The following ZNF124 variants were observed in gnomAD, a reference collection of about 807,000 sequenced individuals.
ZNF124 encodes the protein zinc finger protein HZF-16.
In ZNF124, 25 loss-of-function variants were observed where a neutral mutation model predicts 26.6. The ratio of observed to expected loss-of-function variants is 0.94; its 90% CI spans 0.68 to 1.31. The LOEUF is 1.31. Among genes scored for constraint, ZNF124 ranks in the 40% most tolerant of loss-of-function variants. The pLI, the probability that ZNF124 is intolerant of heterozygous loss-of-function variation, is 0.00. For missense variants in ZNF124, 444 were observed against 422.2 expected (o/e 1.05, Z -0.45); for synonymous variants, 129 against 133.3 (o/e 0.97, Z 0.22).
rs1310870976 is a variant in ZNF124, at chr1:247,156,508, T to C, written c.*58A>G. On this transcript the variant is annotated 3_prime_UTR_variant, in exon 4 of 4. Transcript: ENST00000543802. ...ACTTTCCTACACCTTACATTCACAGTTTCTCTCAAGTATGTGACTGTTCAT... is the reference window on the plus strand; with the variant it reads ...ACTTTCCTACACCTTACATTCACAGCTTCTCTCAAGTATGTGACTGTTCAT... The C allele has an allele frequency of 1.4e-6, 2 of 1,464,968 alleles. No homozygotes were observed. The highest frequency in any genetic ancestry group is 2.8e-5 in the African/African-American group (2 of 70,550). The allele number at this position is 1,464,968 out of a possible 1,614,324, so 90.7% of individuals were successfully genotyped here.
intron 1 of ZNF124, among the ~76,000 whole-genome samples, chr1:247,164,633 T>C (rs1344883375): frequency 1.3e-5 from 2 of 151,692 alleles, no homozygotes; most frequent in African/African-American, 2.4e-5. Context: ...TACAAATGAA[T>C]GGAAAAACAT....
chr1:247,123,662 T>C (rs1672135865), exon 4 of ZNF124: 1 of 578,154 alleles, frequency 1.7e-6, no homozygotes, highest in Non-Finnish European at 3.1e-6. Flanking sequence ...GAGTACTAGA[T>C]GGATCCCAAT....
chr1:247,122,745 G>A (rs528755447), exon 4 of ZNF124: 1 of 152,334 alleles, frequency 6.6e-6, no homozygotes, highest in African/African-American at 2.4e-5. Flanking sequence ...AAGTGCACAA[G>A]GCGATGACCT....
chr1:247,123,768 T>A (rs1020241095), exon 4 of ZNF124: 1 of 687,804 alleles, frequency 1.5e-6, no homozygotes, highest in Non-Finnish European at 2.7e-6. Flanking sequence ...CAGAGGTGCA[T>A]GGGCTTTGGA....
At chr1:247,137,487 CAAA>C (rs56926662) in intron 3 of ZNF124, among the ~76,000 whole-genome samples, 2,711 of 81,494 alleles carry the variant, frequency 0.033, 29 homozygotes, top group Admixed American at 0.092. Flanking sequence ...ACTAAAAATA[CAAA>C]AAAAAAAAAA....
intron 3 of ZNF124, among the ~76,000 whole-genome samples, chr1:247,139,597 T>C (rs1454597795): frequency 6.6e-6 from 1 of 152,248 alleles, no homozygotes; most frequent in Non-Finnish European, 1.5e-5. Flanking sequence ...GTCACTGATC[T>C]GTGTATTTAA....
chr1:247,165,789 G>A (rs995193138), intron 1 of ZNF124, among the ~76,000 whole-genome samples: 11 of 152,114 alleles, frequency 7.2e-5, no homozygotes, highest in African/African-American at 2.4e-4. Context: ...ATACAAACAT[G>A]AGAAAAATGA....
chr1:247,132,840 C>T (rs779824830), intron 3 of ZNF124, among the ~76,000 whole-genome samples: 3 of 151,672 alleles, frequency 2.0e-5, no homozygotes, highest in East Asian at 3.9e-4. Flanking sequence ...CAATCAATCA[C>T]GACCTTCTCA....
At chr1:247,138,914 A>G (rs1291426462) in intron 3 of ZNF124, among the ~76,000 whole-genome samples, 1 of 152,244 alleles carries the variant, frequency 6.6e-6, no homozygotes. Context: ...ACTGAGATCA[A>G]TGCATATCTG....
chr1:247,126,082 T>G (rs960624962), intron 3 of ZNF124, among the ~76,000 whole-genome samples: 14 of 152,172 alleles, frequency 9.2e-5, no homozygotes, highest in Non-Finnish European at 1.6e-4. Flanking sequence ...ACCAACATGG[T>G]GAAACCCGTC....
At chr1:247,162,568 A>G (rs1673540130) in intron 1 of ZNF124, among the ~76,000 whole-genome samples, 2 of 151,636 alleles carry the variant, frequency 1.3e-5, no homozygotes, top group African/African-American at 4.8e-5. Flanking sequence ...CACATTAAGC[A>G]ATGTATGACT....
intron 3 of ZNF124, among the ~76,000 whole-genome samples, chr1:247,126,069 C>G (rs1672214231): frequency 6.6e-6 from 1 of 152,146 alleles, no homozygotes; most frequent in South Asian, 2.1e-4. Context: ...CGAGACCAGC[C>G]TGACCAACAT....
intron 3 of ZNF124, among the ~76,000 whole-genome samples, chr1:247,146,570 G>C (rs1304115912): frequency 6.6e-6 from 1 of 152,172 alleles, no homozygotes; most frequent in East Asian, 1.9e-4. Context: ...TTTAGGTGCA[G>C]GCTCTTTTTG....
At chr1:247,127,690 AT>A (rs1303821995) in intron 3 of ZNF124, among the ~76,000 whole-genome samples, 1 of 148,666 alleles carries the variant, frequency 6.7e-6, no homozygotes, top group African/African-American at 2.5e-5. Flanking sequence ...TTGCCGGTGC[AT>A]GCAGCCCCCA....
chr1:247,123,934 T>G (rs908825339), intron 3 of ZNF124: 60 of 701,544 alleles, frequency 8.6e-5, no homozygotes, highest in Admixed American at 2.0e-4. Flanking sequence ...CTTCCTGTAT[T>G]TATGCCCTTT....
chr1:247,146,831 G>T (rs1382990228), intron 3 of ZNF124, among the ~76,000 whole-genome samples: 1 of 152,162 alleles, frequency 6.6e-6, no homozygotes, highest in Non-Finnish European at 1.5e-5. Flanking sequence ...AAAGAGACAG[G>T]AGTCCCAAGC....
chr1:247,144,057 C>T (rs1672698760), intron 3 of ZNF124, among the ~76,000 whole-genome samples: 1 of 152,176 alleles, frequency 6.6e-6, no homozygotes, highest in South Asian at 2.1e-4. Context: ...CTACCATCTG[C>T]TCCAATACTA....
intron 1 of ZNF124, among the ~76,000 whole-genome samples, chr1:247,161,301 A>C (rs1673464685): frequency 6.6e-6 from 1 of 152,194 alleles, no homozygotes; most frequent in African/African-American, 2.4e-5. Flanking sequence ...ATAACAGAGG[A>C]GGCATTGTAG....
chr1:247,152,162 AAAT>A (rs1672965836), downstream of ZNF124, among the ~76,000 whole-genome samples: 1 of 151,066 alleles, frequency 6.6e-6, no homozygotes. Context: ...TAAATATTTT[AAAT>A]ACATGTAAGA....
Sources: allele counts gnomAD v4.1 joint callset (sites outside exome capture counted in the v4.1 genomes callset), GRCh38; gene constraint gnomAD v4.1.1; transcripts MANE v1.5; gene names NCBI Gene and HGNC (gene_info 2026-07-23, HGNC 2026-07-21).